Variants in LRP2 observed in about 807,000 individuals in gnomAD.
LRP2 encodes low-density lipoprotein receptor-related protein 2.
Under a neutral mutation model 531.0 loss-of-function variants are expected in LRP2, and 172 were observed. The ratio of observed to expected loss-of-function variants is 0.32; its 90% CI spans 0.29 to 0.37. LRP2 has a LOEUF of 0.37. Ranked by LOEUF, LRP2 falls within the 10% of genes least tolerant of loss-of-function variation. LRP2 has a pLI of 1.00. For synonymous variants in LRP2, 1,992 were observed against 2,027.6 expected (o/e 0.98, Z 0.47); for missense variants, 5,167 against 5,868.3 (o/e 0.88, Z 3.90).
intron 9 of LRP2, among the ~76,000 whole-genome samples, chr2:169,286,113 G>T (rs1343270000): frequency 6.6e-6 from 1 of 152,174 alleles, no homozygotes; most frequent in Admixed American, 6.5e-5. Context: ...TCTCTATAAA[G>T]AGAGAAAAAT....
chr2:169,274,559 G>C (rs1470323605), intron 14 of LRP2, among the ~76,000 whole-genome samples: 1 of 152,090 alleles, frequency 6.6e-6, no homozygotes, highest in Non-Finnish European at 1.5e-5. Flanking sequence ...AGATTAATCA[G>C]AACCAAAGAA....
chr2:169,326,262 CCGAG>C (rs1232270167), intron 1 of LRP2, among the ~76,000 whole-genome samples: 1 of 146,426 alleles, frequency 6.8e-6, no homozygotes, highest in Non-Finnish European at 1.5e-5. Context: ...CCCTCTGATG[CCGAG>C]CCGAAGCTGG....
At chr2:169,284,435 T>C (rs1683797100) in intron 9 of LRP2, among the ~76,000 whole-genome samples, 1 of 151,594 alleles carries the variant, frequency 6.6e-6, no homozygotes, top group Non-Finnish European at 1.5e-5. Flanking sequence ...TGGCTAATAT[T>C]TTTGTATTTT....
intron 45 of LRP2, among the ~76,000 whole-genome samples, chr2:169,198,172 G>T (rs1315564939): frequency 6.6e-6 from 1 of 152,158 alleles, no homozygotes; most frequent in Admixed American, 6.5e-5. Context: ...CCAGCACTTT[G>T]GGAGGCTGAG....
At chr2:169,158,059 T>TACACACACAC (rs765403252) in intron 63 of LRP2, among the ~76,000 whole-genome samples, 223 of 82,564 alleles carry the variant, frequency 2.7e-3, no homozygotes, top group African/African-American at 6.7e-3. Context: ...CAATTGATTA[T>TACACACACAC]ATACACACAC....
chr2:169,127,553 A>AAC lies in LRP2; in HGVS notation c.*1109_*1110insGT, dbSNP rs1342202063. 1 of 152,040 alleles carries AAC rather than the reference A, an allele frequency of 6.6e-6. No individual in the cohort carries two copies. The highest frequency in any genetic ancestry group is 1.5e-5 in the Non-Finnish European group (1 of 68,016). The allele number at this position is 152,040 out of a possible 1,614,324, so 9.4% of individuals were successfully genotyped here. A position where few individuals can be genotyped will look rare whatever the true frequency, so the allele number is the denominator to read the frequency against. On this transcript the variant is annotated 3_prime_UTR_variant, in exon 79 of 79. Transcript: ENST00000649046. ...ATCTCTAAAAAAAAAAAAAAAAAAA[A>AAC]AACCAATAAGAATTAAAGAAAAGAT...
At chr2:169,174,725 G>C (rs1239116756) in intron 55 of LRP2, among the ~76,000 whole-genome samples, 2 of 150,884 alleles carry the variant, frequency 1.3e-5, no homozygotes, top group African/African-American at 4.9e-5. Context: ...GCCTAGGCTG[G>C]TGTTGGACTC....
intron 52 of LRP2, among the ~76,000 whole-genome samples, chr2:169,179,254 T>C (rs946964341): frequency 5.9e-5 from 9 of 152,060 alleles, no homozygotes; most frequent in African/African-American, 1.9e-4. Context: ...CAATCTGCCC[T>C]GCTCAGCCTC....
intron 25 of LRP2, 135 bp downstream of exon 25, chr2:169,240,853 C>A: frequency 9.8e-7 from 1 of 1,022,080 alleles, no homozygotes; most frequent in South Asian, 1.3e-5. Flanking sequence ...TGGTTACCCC[C>A]TACACAGATG....
rs1191640424 is a variant in LRP2 at position 169,226,866 on chromosome 2, C to T, written c.5228-278G>A. 2.0e-5 allele frequency among the ~76,000 whole-genome samples: 3 copies of T among 152,004 alleles called. No individual in the cohort carries two copies. The East Asian group carries it at 5.8e-4, about 29-fold the overall frequency. ...ACTCTTCATTAAGTCCTTACTTACACTAATAAACCACCCATGTTTGCTAAA... is the reference window on the plus strand; with the variant it reads ...ACTCTTCATTAAGTCCTTACTTACATTAATAAACCACCCATGTTTGCTAAA... On this transcript the variant is annotated intron_variant, in intron 31 of 78. Coordinates refer to ENST00000649046, the MANE Select transcript of LRP2 (RefSeq NM_004525.3).
intron 16 of LRP2, among the ~76,000 whole-genome samples, chr2:169,268,225 C>T (rs1308698349): frequency 1.3e-5 from 2 of 151,816 alleles, no homozygotes; most frequent in South Asian, 2.1e-4. Flanking sequence ...CCAATCAAAG[C>T]AAAAAGAGGG....
intron 1 of LRP2, among the ~76,000 whole-genome samples, chr2:169,338,485 G>GACAAC (rs1685482679): frequency 6.6e-6 from 1 of 152,126 alleles, no homozygotes; most frequent in African/African-American, 2.4e-5. Flanking sequence ...GACAAGACAA[G>GACAAC]ACAATATGCA....
At position 169,204,830 on chromosome 2, in the gene LRP2, A is replaced by G. The variant is rs75818562; in HGVS notation, c.7716-559T>C. ...TTCCCGATATGTAGACACCAGCCATAATAAACAAAATCATTTCATCCCTTC... is the reference window on the plus strand; with the variant it reads ...TTCCCGATATGTAGACACCAGCCATGATAAACAAAATCATTTCATCCCTTC... On this transcript the variant is annotated intron_variant, in intron 41 of 78. Coordinates refer to ENST00000649046, the MANE Select transcript of LRP2 (RefSeq NM_004525.3). Among the ~76,000 whole-genome samples the G allele has an allele frequency of 2.0e-5, 3 of 152,332 alleles. No individual in the cohort carries two copies. In the East Asian group the frequency reaches 5.8e-4, roughly 29 times the overall value.
At chr2:169,233,726 G>C (rs1016210111) in intron 29 of LRP2, 138 bp from the exon 30 acceptor site, 2 of 839,200 alleles carry the variant, frequency 2.4e-6, no homozygotes, top group African/African-American at 3.4e-5. Flanking sequence ...AAGTCATTGT[G>C]CAAAAGAGCG....
At chr2:169,257,367 T>G in intron 17 of LRP2, 118 bp from the exon 18 acceptor site, 1 of 1,069,684 alleles carries the variant, frequency 9.3e-7, no homozygotes, top group South Asian at 1.3e-5. Flanking sequence ...TTTCTTTATA[T>G]GCTATTGAAC....
chr2:169,273,433 T>C (rs1287130649), intron 14 of LRP2, among the ~76,000 whole-genome samples: 1 of 152,154 alleles, frequency 6.6e-6, no homozygotes, highest in Non-Finnish European at 1.5e-5. Context: ...ATAATAAATA[T>C]TACTCACTGG....
chr2:169,173,234 G>T lies in LRP2; in HGVS notation c.11015-10C>A, dbSNP rs1448438680. 1 of 1,614,132 alleles carries T rather than the reference G, an allele frequency of 6.2e-7. No individual in the cohort carries two copies. The highest frequency in any genetic ancestry group is 1.3e-5 in the African/African-American group (1 of 75,058). On this transcript the variant is annotated splice_polypyrimidine_tract_variant and intron_variant, in intron 56 of 78. Transcript: ENST00000649046. ...AGATGGGCAGAGCTCACTGAAAAGGGAGGAGGCATCAAAGTCAGAACTGAA... is the reference window on the plus strand; with the variant it reads ...AGATGGGCAGAGCTCACTGAAAAGGTAGGAGGCATCAAAGTCAGAACTGAA...
intron 63 of LRP2, among the ~76,000 whole-genome samples, chr2:169,159,428 ACAATGAAATT>A (rs1432071990): frequency 2.0e-5 from 3 of 152,186 alleles, no homozygotes; most frequent in Non-Finnish European, 4.4e-5. Context: ...AAAATAAAGT[ACAATGAAATT>A]CAATGGAATG....
At chr2:169,266,592 A>G (rs1467394118) in intron 16 of LRP2, among the ~76,000 whole-genome samples, 1 of 152,114 alleles carries the variant, frequency 6.6e-6, no homozygotes, top group Non-Finnish European at 1.5e-5. Flanking sequence ...CCAAAGTTAC[A>G]AAGCTAGGAA....
Sources: gnomAD v4.1 joint callset for allele counts (sites outside exome capture counted in the v4.1 genomes callset) on GRCh38, gnomAD v4.1.1 for gene constraint, MANE v1.5 for transcripts, NCBI Gene and HGNC (gene_info 2026-07-23, HGNC 2026-07-21) for gene names.